VTI1A: variants seen among roughly 807,000 people sequenced by gnomAD.
VTI1A encodes vesicle transport through interaction with t-SNAREs homolog 1A.
A neutral mutation model predicts 34.9 loss-of-function variants in VTI1A; 22 were observed. The ratio of observed to expected loss-of-function variants is 0.63; its 90% CI spans 0.45 to 0.90. The LOEUF (loss-of-function observed/expected upper bound fraction) is 0.90, where lower values mean the gene tolerates loss of function less well. Ranked by LOEUF, VTI1A falls within the 40% of genes least tolerant of loss-of-function variation. The pLI, the probability that VTI1A is intolerant of heterozygous loss-of-function variation, is 0.00. For missense variants in VTI1A, 268 were observed against 275.6 expected (o/e 0.97, Z 0.20); for synonymous variants, 87 against 97.3 (o/e 0.89, Z 0.62).
At chr10:112,840,537 A>C in the VTI1A span, among the ~76,000 whole-genome samples, 4 of 152,172 alleles carry the variant, frequency 2.6e-5, no homozygotes, top group Non-Finnish European at 4.4e-5. Context: ...CACAATGCCG[A>C]GGCATGAAAA....
At chr10:112,661,304 C>T (rs892883405) in intron 5 of VTI1A, among the ~76,000 whole-genome samples, 1 of 152,104 alleles carries the variant, frequency 6.6e-6, no homozygotes, top group African/African-American at 2.4e-5. Context: ...TTAGTAGAGA[C>T]AGGGTTTTGC....
chr10:112,544,195 G>T (rs1418058328), intron 5 of VTI1A, among the ~76,000 whole-genome samples: 1 of 152,180 alleles, frequency 6.6e-6, no homozygotes, highest in Non-Finnish European at 1.5e-5. Flanking sequence ...CTTTAAAGTA[G>T]TTTTTTCCAA....
intron 7 of VTI1A, among the ~76,000 whole-genome samples, chr10:112,808,601 G>C (rs1853170008): frequency 6.7e-6 from 1 of 150,214 alleles, no homozygotes; most frequent in African/African-American, 2.5e-5. Context: ...CTCCAGCCTG[G>C]GCGACAAAGC....
At position 112,807,958 on chromosome 10, in the gene VTI1A, CTG is replaced by C. The variant is rs1411043750; in HGVS notation, c.561-7330_561-7329del. ...TGGTGGCTCAGCATGGAGCTCATGA[CTG>C]TAATCCCAGCACTTTGGGAGGCCGA... On this transcript the variant is annotated intron_variant, in intron 7 of 7. Transcript: ENST00000393077. Among the ~76,000 whole-genome samples, 3 of 152,220 alleles carry C rather than the reference CTG, an allele frequency of 2.0e-5. No individual in the cohort carries two copies. The East Asian group carries it at 5.8e-4, about 29-fold the overall frequency.
At chr10:112,573,892 TA>T (rs1852230324) in intron 5 of VTI1A, among the ~76,000 whole-genome samples, 1 of 152,202 alleles carries the variant, frequency 6.6e-6, no homozygotes, top group Admixed American at 6.5e-5. Context: ...ATATTAAGAC[TA>T]ATACCATTGG....
intron 5 of VTI1A, among the ~76,000 whole-genome samples, chr10:112,614,597 A>G (rs959401424): frequency 4.6e-5 from 7 of 152,242 alleles, no homozygotes; most frequent in East Asian, 1.9e-4. Flanking sequence ...CTAGATAACT[A>G]TACATTATCC....
At chr10:112,835,625 GT>G in the VTI1A span, among the ~76,000 whole-genome samples, 1 of 152,114 alleles carries the variant, frequency 6.6e-6, no homozygotes, top group Non-Finnish European at 1.5e-5. Context: ...CCTTTCATGT[GT>G]TTTTTTCATG....
chr10:112,662,585 A>G (rs1207116215), intron 5 of VTI1A, among the ~76,000 whole-genome samples: 1 of 152,144 alleles, frequency 6.6e-6, no homozygotes, highest in Non-Finnish European at 1.5e-5. Flanking sequence ...CTTTAACACA[A>G]TTATAATAGT....
At chr10:112,655,864 C>G (rs1847212080) in intron 5 of VTI1A, among the ~76,000 whole-genome samples, 1 of 152,108 alleles carries the variant, frequency 6.6e-6, no homozygotes, top group Non-Finnish European at 1.5e-5. Flanking sequence ...GGCAATTAGT[C>G]AGCCTACAAT....
At chr10:112,772,019 C>T (rs1253922875) in intron 7 of VTI1A, among the ~76,000 whole-genome samples, 4 of 152,152 alleles carry the variant, frequency 2.6e-5, no homozygotes, top group Non-Finnish European at 4.4e-5. Context: ...TGTGAACATT[C>T]GTGTACAAGT....
chr10:112,447,156 G>A, upstream of VTI1A: 1 of 530,314 alleles, frequency 1.9e-6, no homozygotes, highest in Non-Finnish European at 3.4e-6. Flanking sequence ...TTATCTTAAA[G>A]TCGGAGCGGA....
intron 5 of VTI1A, among the ~76,000 whole-genome samples, chr10:112,541,948 T>A (rs1349834136): frequency 6.6e-6 from 1 of 152,228 alleles, no homozygotes; most frequent in Admixed American, 6.5e-5. Context: ...AGTGTGGCAT[T>A]GCTTTTAAGT....
chr10:112,630,807 C>T (rs977101074), intron 5 of VTI1A, among the ~76,000 whole-genome samples: 1 of 152,062 alleles, frequency 6.6e-6, no homozygotes, highest in African/African-American at 2.4e-5. Flanking sequence ...AACCAGAAAA[C>T]AAAAGGTAAT....
At chr10:112,642,978 T>TG (rs71971014) in intron 5 of VTI1A, among the ~76,000 whole-genome samples, 1 of 17,466 alleles carries the variant, frequency 5.7e-5, no homozygotes, top group Non-Finnish European at 2.1e-4. Flanking sequence ...TTTTCTTTTC[T>TG]TTTTTTTTTT....
chr10:112,641,033 C>A (rs549162142), intron 5 of VTI1A, among the ~76,000 whole-genome samples: 1 of 151,752 alleles, frequency 6.6e-6, no homozygotes, highest in Non-Finnish European at 1.5e-5. Context: ...AAATATTGCC[C>A]TGTTGTCTTG....
chr10:112,498,454 C>G (rs569197223), intron 3 of VTI1A, among the ~76,000 whole-genome samples: 3 of 152,150 alleles, frequency 2.0e-5, no homozygotes, highest in East Asian at 3.9e-4. Context: ...ATCTCCTCAT[C>G]GCCGCCACCA....
At chr10:112,761,770 CTGTGTG>C (rs57330053) in intron 7 of VTI1A, among the ~76,000 whole-genome samples, 2,517 of 145,914 alleles carry the variant, frequency 0.017, 37 homozygotes, top group Admixed American at 0.037. Context: ...CTTTCTTTCT[CTGTGTG>C]TGTGTGTGTG....
chr10:112,674,046 GA>G (rs1222675344), intron 7 of VTI1A, among the ~76,000 whole-genome samples: 1 of 152,124 alleles, frequency 6.6e-6, no homozygotes, highest in African/African-American at 2.4e-5. Context: ...AGACTTGTGA[GA>G]AAAATGTCCT....
intron 5 of VTI1A, among the ~76,000 whole-genome samples, chr10:112,553,417 A>G (rs545146385): frequency 3.9e-5 from 6 of 152,360 alleles, no homozygotes; most frequent in Admixed American, 3.9e-4. Flanking sequence ...ACTATATAAA[A>G]CATCCAACAC....
Sources: gnomAD v4.1 joint callset for allele counts (sites outside exome capture counted in the v4.1 genomes callset) on GRCh38, gnomAD v4.1.1 for gene constraint, MANE v1.5 for transcripts, NCBI Gene and HGNC (gene_info 2026-07-23, HGNC 2026-07-21) for gene names.